MCTP1: variants seen among roughly 807,000 people sequenced by gnomAD.
MCTP1 encodes multiple C2 and transmembrane domain-containing protein 1.
Under a neutral mutation model 120.6 loss-of-function variants are expected in MCTP1, and 69 were observed. The ratio of observed to expected loss-of-function variants is 0.57; its 90% CI spans 0.47 to 0.70. The LOEUF is 0.70. Ranked by LOEUF, MCTP1 falls within the 30% of genes least tolerant of loss-of-function variation. The pLI, the probability that MCTP1 is intolerant of heterozygous loss-of-function variation, is 0.00. For synonymous variants in MCTP1, 529 were observed against 493.1 expected (o/e 1.07, Z -0.96); for missense variants, 1,203 against 1,248.8 (o/e 0.96, Z 0.55).
intron 1 of MCTP1, among the ~76,000 whole-genome samples, chr5:95,168,084 G>T (rs1746676044): frequency 6.6e-6 from 1 of 152,188 alleles, no homozygotes; most frequent in African/African-American, 2.4e-5. Flanking sequence ...AAGGTGTAAA[G>T]AAGGGATCCA....
At chr5:94,753,468 G>A (rs775402964) in intron 19 of MCTP1, among the ~76,000 whole-genome samples, 26 of 152,140 alleles carry the variant, frequency 1.7e-4, no homozygotes, top group Middle Eastern at 3.2e-3. Flanking sequence ...AAAATTCATC[G>A]TGTAAAGGTT....
chr5:94,801,474 A>C (rs1781224066), intron 17 of MCTP1, among the ~76,000 whole-genome samples: 1 of 152,070 alleles, frequency 6.6e-6, no homozygotes, highest in Non-Finnish European at 1.5e-5. Flanking sequence ...TCTAGACAAG[A>C]TTTTCTTTCC....
At chr5:94,801,213 C>T (rs1226859287) in intron 17 of MCTP1, among the ~76,000 whole-genome samples, 2 of 152,022 alleles carry the variant, frequency 1.3e-5, no homozygotes, top group South Asian at 2.1e-4. Context: ...CTGTTTTATC[C>T]GTAGAGCCTG....
chr5:94,880,539 G>A (rs540392275), intron 12 of MCTP1, among the ~76,000 whole-genome samples: 11 of 151,986 alleles, frequency 7.2e-5, no homozygotes, highest in East Asian at 3.9e-4. Flanking sequence ...TTAGAATAAC[G>A]TCTTTGTCTC....
chr5:95,168,088 G>A (rs1165439487), intron 1 of MCTP1, among the ~76,000 whole-genome samples: 1 of 151,428 alleles, frequency 6.6e-6, no homozygotes, highest in Non-Finnish European at 1.5e-5. Flanking sequence ...TGTAAAGAAG[G>A]GATCCAGTTT....
At chr5:94,794,369 C>T (rs560075009) in intron 18 of MCTP1, among the ~76,000 whole-genome samples, 57 of 152,314 alleles carry the variant, frequency 3.7e-4, no homozygotes, top group African/African-American at 1.3e-3. Flanking sequence ...CTCCTGGTCA[C>T]GAATGCTTCT....
chr5:94,905,396 T>C (rs1193349749), intron 10 of MCTP1, among the ~76,000 whole-genome samples: 2 of 152,186 alleles, frequency 1.3e-5, no homozygotes, highest in Non-Finnish European at 2.9e-5. Flanking sequence ...ATTTTTGTTT[T>C]AAAAATATTA....
intron 1 of MCTP1, among the ~76,000 whole-genome samples, chr5:95,106,593 T>C (rs983548155): frequency 2.0e-5 from 3 of 152,170 alleles, no homozygotes; most frequent in African/African-American, 7.2e-5. Flanking sequence ...AACCAAATAA[T>C]CCTGACTAAT....
At chr5:94,968,871 A>G (rs1040928603) in intron 2 of MCTP1, among the ~76,000 whole-genome samples, 6 of 152,228 alleles carry the variant, frequency 3.9e-5, no homozygotes, top group Non-Finnish European at 8.8e-5. Context: ...AAATGAATTG[A>G]AAACAAGTCA....
intron 18 of MCTP1, chr5:94,789,438 AT>A (rs1465094428): frequency 6.6e-6 from 1 of 152,160 alleles, no homozygotes; most frequent in African/African-American, 2.4e-5. Flanking sequence ...GGTAATACTC[AT>A]CTTCCACCAT....
At chr5:95,061,675 T>A (rs943726852) in intron 1 of MCTP1, among the ~76,000 whole-genome samples, 1 of 151,874 alleles carries the variant, frequency 6.6e-6, no homozygotes, top group Admixed American at 6.6e-5. Flanking sequence ...GACCTCGTGA[T>A]CCGCCCGCCT....
chr5:94,959,617 C>T (rs1159518041), intron 2 of MCTP1, among the ~76,000 whole-genome samples: 1 of 152,148 alleles, frequency 6.6e-6, no homozygotes, highest in Non-Finnish European at 1.5e-5. Context: ...CATTCCTATA[C>T]ACCAGTAACA....
At chr5:95,063,280 C>T (rs72779408) in intron 1 of MCTP1, among the ~76,000 whole-genome samples, 8,605 of 152,246 alleles carry the variant, frequency 0.057, 315 homozygotes, top group Middle Eastern at 0.061. Context: ...AACCTTCCAA[C>T]CTCAAACACC....
At chr5:95,160,665 G>C (rs1334277907) in intron 1 of MCTP1, among the ~76,000 whole-genome samples, 1 of 152,176 alleles carries the variant, frequency 6.6e-6, no homozygotes, top group Non-Finnish European at 1.5e-5. Flanking sequence ...AGAGTGAAGA[G>C]ACAAACCATG....
chr5:95,170,556 T>C (rs891181187), intron 1 of MCTP1, among the ~76,000 whole-genome samples: 4 of 152,238 alleles, frequency 2.6e-5, no homozygotes, highest in Admixed American at 2.0e-4. Flanking sequence ...AGTCTCTTTG[T>C]AAGTCTCTAA....
chr5:95,175,292 T>A (rs933182675), intron 1 of MCTP1, among the ~76,000 whole-genome samples: 1 of 152,186 alleles, frequency 6.6e-6, no homozygotes, highest in East Asian at 1.9e-4. Flanking sequence ...GAGTTTTCAA[T>A]TGAGAGGGAT....
At chr5:95,098,875 C>T (rs1480116743) in intron 1 of MCTP1, among the ~76,000 whole-genome samples, 273 of 152,172 alleles carry the variant, frequency 1.8e-3, no homozygotes, top group African/African-American at 6.1e-3. Context: ...CAAACTATAC[C>T]ACAAGGCTAC....
In MCTP1 at chr5:95,284,124, C is replaced by G. The variant is rs919482453; in HGVS notation, c.452G>C (p.Arg151Pro). Residue 151 changes from arginine to proline, a missense_variant, in exon 1 of 23, where the codon CGC becomes CCC. Transcript: ENST00000515393. The surrounding 1 kb of genome is among the most constrained non-coding windows in gnomAD (Gnocchi z 5.2). ...GAAGGTPPGG[R>P]SPDSAPSSSS... The stretch of plus-strand genomic sequence containing the variant: ...AGAGGAAGGAGCTGAGTCGGGGGAG[C>G]GTCCGCCAGGAGGCGTCCCTCCCGC... The G allele has an allele frequency of 3.2e-6, 5 of 1,549,458 alleles. No homozygotes were observed. Among genetic ancestry groups the G allele is most frequent in the Admixed American group, 3.9e-5 (2 of 51,012 alleles).
chr5:95,100,853 G>C (rs1198508327), intron 1 of MCTP1, among the ~76,000 whole-genome samples: 3 of 152,170 alleles, frequency 2.0e-5, no homozygotes, highest in Non-Finnish European at 4.4e-5. Flanking sequence ...GACTAAAACT[G>C]AATACAAATT....
Sources: gnomAD v4.1 joint callset for allele counts (sites outside exome capture counted in the v4.1 genomes callset) on GRCh38, gnomAD v4.1.1 for gene constraint, Gnocchi (gnomAD v3.1) non-coding constraint, MANE v1.5 for transcripts, NCBI Gene and HGNC (gene_info 2026-07-23, HGNC 2026-07-21) for gene names.